GRB10: variants seen among roughly 807,000 people sequenced by gnomAD.
The protein encoded by GRB10 is growth factor receptor bound protein 10, also known as growth factor receptor-bound protein 10.
In GRB10, 20 loss-of-function variants were observed where a neutral mutation model predicts 80.9. That is an observed-to-expected ratio of 0.25 (90% CI 0.17 to 0.36). The LOEUF (loss-of-function observed/expected upper bound fraction) is 0.36. Among genes scored for constraint, GRB10 ranks in the 10% least tolerant of loss-of-function variants. The pLI is 1.00. For synonymous variants in GRB10, 291 were observed against 291.5 expected, an observed-to-expected ratio of 1.00 and a Z score of 0.02; for missense variants, 548 against 747.7, an observed-to-expected ratio of 0.73 and a Z score of 3.12.
At chr7:50,682,203 G>A (rs1271413251) in intron 5 of GRB10, among the ~76,000 whole-genome samples, 1 of 152,216 alleles carries the variant, frequency 6.6e-6, no homozygotes, top group Non-Finnish European at 1.5e-5. Context: ...TGGAGCAGTT[G>A]GCTAAACACA....
At chr7:50,772,484 C>G (rs756944715) in intron 2 of GRB10, among the ~76,000 whole-genome samples, 2 of 152,072 alleles carry the variant, frequency 1.3e-5, no homozygotes, top group Non-Finnish European at 1.5e-5. Flanking sequence ...TACTCAATGG[C>G]GAAATAGTGA....
intron 2 of GRB10, among the ~76,000 whole-genome samples, chr7:50,765,299 C>A (rs2153706775): frequency 6.6e-6 from 1 of 152,240 alleles, no homozygotes; most frequent in South Asian, 2.1e-4. Context: ...TCATATGATC[C>A]AGCAATTTCA....
intron 7 of GRB10, among the ~76,000 whole-genome samples, chr7:50,629,142 A>C (rs1020362680): frequency 7.2e-5 from 11 of 152,200 alleles, no homozygotes; most frequent in African/African-American, 2.4e-4. Flanking sequence ...GCTTATCTGC[A>C]CTGAGGATAC....
chr7:50,732,006 G>GTA (rs1277517511), intron 4 of GRB10, among the ~76,000 whole-genome samples: 1 of 152,250 alleles, frequency 6.6e-6, no homozygotes, highest in African/African-American at 2.4e-5. Context: ...GGGCAACTCT[G>GTA]TACTACAACC....
intron 7 of GRB10, among the ~76,000 whole-genome samples, chr7:50,629,531 C>T (rs184345334): frequency 2.0e-5 from 3 of 152,158 alleles, no homozygotes; most frequent in Admixed American, 6.5e-5. Context: ...ACACAGCACT[C>T]TCTGGTACTT....
In GRB10 at chr7:50,764,379, G is replaced by A. The variant is rs147670139; in HGVS notation, c.-216-8323C>T. On this transcript the variant is annotated intron_variant, in intron 2 of 18. Transcript: ENST00000401949. Reference sequence around the variant, plus strand: ...CCCAAGAAGAGGTAGCTCTGAGGCCGAGAACTCTATCTGTCCTGACTACTG... The same window carrying A: ...CCCAAGAAGAGGTAGCTCTGAGGCCAAGAACTCTATCTGTCCTGACTACTG... 6.3e-3 allele frequency among the ~76,000 whole-genome samples: 961 copies of A among 152,296 alleles called. 15 individuals carry two copies. Among genetic ancestry groups the A allele is most frequent in the African/African-American group, 0.022 (920 of 41,566 alleles).
At chr7:50,766,485 T>TA (rs1049511169) in intron 2 of GRB10, among the ~76,000 whole-genome samples, 25 of 152,030 alleles carry the variant, frequency 1.6e-4, no homozygotes, top group African/African-American at 3.6e-4. Flanking sequence ...AAAGGAGTTT[T>TA]AAAAAAAAGG....
intron 3 of GRB10, among the ~76,000 whole-genome samples, chr7:50,744,883 A>G (rs1365628637): frequency 1.3e-5 from 2 of 152,242 alleles, no homozygotes; most frequent in Non-Finnish European, 2.9e-5. Flanking sequence ...AATTCTATGC[A>G]GTGATGATTT....
chr7:50,623,238 T>A (rs1318672163), intron 8 of GRB10, among the ~76,000 whole-genome samples: 1 of 152,050 alleles, frequency 6.6e-6, no homozygotes, highest in Non-Finnish European at 1.5e-5. Flanking sequence ...CTGAGAAACA[T>A]CCCCAACAGG....
At chr7:50,761,098 A>G (rs2075715705) in intron 2 of GRB10, among the ~76,000 whole-genome samples, 1 of 152,256 alleles carries the variant, frequency 6.6e-6, no homozygotes, top group East Asian at 1.9e-4. Flanking sequence ...CAGCACTGTT[A>G]CCTCATTTTA....
At chr7:50,649,251 G>A (rs1446677277) in intron 7 of GRB10, among the ~76,000 whole-genome samples, 2 of 152,164 alleles carry the variant, frequency 1.3e-5, no homozygotes, top group African/African-American at 2.4e-5. Flanking sequence ...TGAACAACAC[G>A]GAGACCACAA....
At position 50,654,406 on chromosome 7, in the gene GRB10, G is replaced by A. The variant is rs180817890; in HGVS notation, c.504+15316C>T. Reference sequence around the variant, plus strand: ...CAAGCCTCACAGAGTCCCAGGCAAGGGCACCTCTGCAGAGCTTGCCCTGGT... The same window carrying A: ...CAAGCCTCACAGAGTCCCAGGCAAGAGCACCTCTGCAGAGCTTGCCCTGGT... On this transcript the variant is annotated intron_variant, in intron 7 of 18. Transcript: ENST00000401949. Among the ~76,000 whole-genome samples the A allele has an allele frequency of 8.5e-5, 13 of 152,234 alleles. No homozygotes were observed. The East Asian group carries it at 1.5e-3, about 18-fold the overall frequency.
chr7:50,665,511 A>G (rs2059705269), intron 7 of GRB10, among the ~76,000 whole-genome samples: 2 of 152,176 alleles, frequency 1.3e-5, no homozygotes, highest in African/African-American at 4.8e-5. Context: ...CCAGATTTCC[A>G]TGCTTCCACC....
intron 7 of GRB10, among the ~76,000 whole-genome samples, chr7:50,639,899 GA>G (rs2055890810): frequency 6.6e-6 from 1 of 151,984 alleles, no homozygotes; most frequent in Admixed American, 6.6e-5. Flanking sequence ...CTGTTATTTT[GA>G]AAAACATGTT....
At chr7:50,650,953 T>C (rs2057936616) in intron 7 of GRB10, among the ~76,000 whole-genome samples, 1 of 152,254 alleles carries the variant, frequency 6.6e-6, no homozygotes, top group Non-Finnish European at 1.5e-5. Flanking sequence ...GCAAATATTC[T>C]TTTGCAGCTT....
intron 13 of GRB10, chr7:50,606,679 TG>T (rs1406626326): frequency 9.9e-6 from 5 of 505,466 alleles, no homozygotes; most frequent in Non-Finnish European, 1.8e-5. Flanking sequence ...GAAGCCTTAA[TG>T]ATAACATAAA....
chr7:50,639,393 T>C (rs759502769), intron 7 of GRB10, among the ~76,000 whole-genome samples: 8 of 152,314 alleles, frequency 5.3e-5, no homozygotes, highest in Middle Eastern at 3.4e-3. Flanking sequence ...CAAGCATGGT[T>C]TGCCAGGCGC....
Position 50,590,984 on chromosome 7 carries a change from C to T in GRB10, c.*1968G>A, listed in dbSNP as rs774673828. ...CACTGATGGGACTGGTCTACGTACA[C>T]AGAAAAAAGAAATCCTAGAGTTGTT... is the stretch of plus-strand genomic sequence containing the variant. On this transcript the variant is annotated 3_prime_UTR_variant, in exon 19 of 19. Coordinates refer to ENST00000401949, the MANE Select transcript of GRB10 (RefSeq NM_001350814.2). 6.6e-6 allele frequency: 1 copy of T among 152,070 alleles called. No individual in the cohort carries two copies. Among genetic ancestry groups the T allele is most frequent in the African/African-American group, 2.4e-5 (1 of 41,398 alleles). 9.4% of individuals were successfully genotyped at this position (152,070 alleles called of 1,614,324 possible).
At position 50,792,325 on chromosome 7, in the gene GRB10, T is replaced by C. The variant is rs73697745; in HGVS notation, c.-294+899A>G. 1.2e-3 allele frequency: 403 copies of C among 344,770 alleles called. 1 individual carries two copies. The highest frequency in any genetic ancestry group is 8.2e-3 in the African/African-American group (387 of 46,996). The allele number at this position is 344,770 out of a possible 1,614,324, so 21.4% of individuals were successfully genotyped here. On this transcript the variant is annotated intron_variant, in intron 1 of 16. Coordinates refer to the GRB10 transcript ENST00000335866. ...CGCATTGTAAAGATCCAGGACCCTG[T>C]AAAAATCACCTGTGGCTCTCTTACA...
Sources: allele counts gnomAD v4.1 joint callset (sites outside exome capture counted in the v4.1 genomes callset), GRCh38; gene constraint gnomAD v4.1.1; transcripts MANE v1.5; gene names NCBI Gene and HGNC (gene_info 2026-07-23, HGNC 2026-07-21).